The following ARHGEF10 variants were observed in gnomAD, a reference collection of about 807,000 sequenced individuals.
ARHGEF10 encodes Rho guanine nucleotide exchange factor (GEF) 10.
ARHGEF10 carries 140 observed loss-of-function variants against 147.4 expected under a neutral mutation model. The observed-to-expected ratio is 0.95, with a 90% CI of 0.83 to 1.09. The LOEUF (loss-of-function observed/expected upper bound fraction) is 1.09. ARHGEF10 is among the 50% of genes least tolerant of loss of function. ARHGEF10 has a pLI of 0.00. For missense variants in ARHGEF10, 2,222 were observed against 1,752.7 expected (o/e 1.27, Z -4.78); for synonymous variants, 902 against 695.8 (o/e 1.30, Z -4.67).
intron 26 of ARHGEF10, among the ~76,000 whole-genome samples, chr8:1,941,978 A>C (rs1814130779): frequency 6.6e-6 from 1 of 152,204 alleles, no homozygotes; most frequent in African/African-American, 2.4e-5. Context: ...CAAATGAATT[A>C]AAACATAAAT....
intron 1 of ARHGEF10, among the ~76,000 whole-genome samples, chr8:1,841,055 T>G (rs1425551501): frequency 6.6e-6 from 1 of 152,222 alleles, no homozygotes; most frequent in East Asian, 1.9e-4. Flanking sequence ...GGCAAGGACA[T>G]GCCGTCGGGG....
chr8:1,947,682 C>T (rs1169339845), intron 27 of ARHGEF10, among the ~76,000 whole-genome samples: 2 of 147,596 alleles, frequency 1.4e-5, no homozygotes, highest in East Asian at 4.1e-4. Flanking sequence ...ACACCCCACC[C>T]CGCATTCAGC....
intron 18 of ARHGEF10, among the ~76,000 whole-genome samples, chr8:1,909,851 T>C (rs532991520): frequency 3.7e-4 from 56 of 152,066 alleles, no homozygotes; most frequent in Non-Finnish European, 6.9e-4. Context: ...CTTGAGGCGG[T>C]GGTGGTTCCA....
rs534468893 is a variant in ARHGEF10, at chr8:1,922,896, C to A, written c.2144-68C>A. 6.6e-5 allele frequency: 73 copies of A among 1,104,684 alleles called. 1 individual carries two copies. In the South Asian group the frequency reaches 9.2e-4, roughly 14 times the overall value. The allele number at this position is 1,104,684 out of a possible 1,614,324, so 68.4% of individuals were successfully genotyped here. On this transcript the variant is annotated intron_variant, in intron 18 of 28. Transcript: ENST00000349830. ...TATTTAGTATTTGAGTCTTTTCTTC[C>A]CTCAAGTATTGGAGTAAATATGGCT...
chr8:1,943,084 G>C (rs926808436), intron 26 of ARHGEF10, among the ~76,000 whole-genome samples: 3 of 152,224 alleles, frequency 2.0e-5, no homozygotes, highest in Non-Finnish European at 4.4e-5. Context: ...AAAAGGAGGT[G>C]GCAGTTTTGG....
chr8:1,956,678 GCA>G, intron 28 of ARHGEF10, 69 bp from the exon 29 acceptor site: 1 of 1,582,662 alleles, frequency 6.3e-7, no homozygotes, highest in East Asian at 2.2e-5. Flanking sequence ...GTTAAGCCCT[GCA>G]CTTTTTGCTT....
intron 25 of ARHGEF10, 100 bp from the exon 26 acceptor site, chr8:1,933,700 T>A (rs1813335836): frequency 7.0e-7 from 1 of 1,432,140 alleles, no homozygotes; most frequent in South Asian, 1.2e-5. Flanking sequence ...TTACAGGTGA[T>A]CCTTCGGGTG....
At chr8:1,871,240 C>G (rs1807097612) in intron 7 of ARHGEF10, 1 of 148,942 alleles carries the variant, frequency 6.7e-6, no homozygotes, top group Non-Finnish European at 1.5e-5. Context: ...TTTTTAAACA[C>G]ATGAAATATT....
Position 1,948,220 on chromosome 8 carries a change from A to G in ARHGEF10, c.3397+2565A>G, listed in dbSNP as rs953216310. Among the ~76,000 whole-genome samples the G allele has an allele frequency of 2.0e-5, 3 of 151,926 alleles. No homozygotes were observed. The highest frequency in any genetic ancestry group is 7.2e-5 in the African/African-American group (3 of 41,438). ...GCCCACTCTCCCGGGCCCCTCCAAC[A>G]TCCTGGGCTGGCTCTCCATGGCCAC... is the stretch of plus-strand genomic sequence containing the variant. On this transcript the variant is annotated intron_variant, in intron 27 of 28. Transcript: ENST00000349830. The surrounding 1 kb of genome is among the most constrained non-coding windows in gnomAD (Gnocchi z 4.9).
chr8:1,851,079 G>A (rs1167322864), intron 2 of ARHGEF10, among the ~76,000 whole-genome samples: 1 of 152,204 alleles, frequency 6.6e-6, no homozygotes, highest in Non-Finnish European at 1.5e-5. Context: ...TTAGGGCCAC[G>A]AAATTCCTTG....
rs367609130 is a variant in ARHGEF10 at position 1,893,350 on chromosome 8, T to C, written c.1183-219T>C. ...GCTGTAATTTTTTTTGTCCCAGCTG[T>C]AGTTATAGTTCATAGTTTGAGGTTT... On this transcript the variant is annotated intron_variant, in intron 11 of 28. Transcript: ENST00000349830. 7.2e-5 allele frequency among the ~76,000 whole-genome samples: 11 copies of C among 152,302 alleles called. No homozygotes were observed. In the South Asian group the frequency reaches 1.9e-3, roughly 26 times the overall value.
chr8:1,901,018 C>G (rs991039299), intron 15 of ARHGEF10, among the ~76,000 whole-genome samples: 3 of 152,014 alleles, frequency 2.0e-5, no homozygotes, highest in African/African-American at 7.2e-5. Context: ...CTGGCGTATC[C>G]TAGAGTGTTC....
At chr8:1,882,070 A>G (rs1808245831) in intron 9 of ARHGEF10, among the ~76,000 whole-genome samples, 1 of 152,188 alleles carries the variant, frequency 6.6e-6, no homozygotes, top group African/African-American at 2.4e-5. Context: ...TCCGAGTCTG[A>G]CATCCGCAGC....
chr8:1,842,343 C>T (rs1212910882), intron 1 of ARHGEF10, among the ~76,000 whole-genome samples: 4 of 152,180 alleles, frequency 2.6e-5, no homozygotes, highest in Non-Finnish European at 5.9e-5. Context: ...CAGCTCTCTG[C>T]ACTAGGATAA....
At chr8:1,899,570 A>C (rs978144584) in intron 15 of ARHGEF10, among the ~76,000 whole-genome samples, 1 of 152,218 alleles carries the variant, frequency 6.6e-6, no homozygotes, top group Non-Finnish European at 1.5e-5. Flanking sequence ...AGTATGAAAA[A>C]GGATACATAC....
chr8:1,837,266 G>A (rs1351121393), intron 1 of ARHGEF10, among the ~76,000 whole-genome samples: 1 of 145,690 alleles, frequency 6.9e-6, no homozygotes, highest in Non-Finnish European at 1.5e-5. Flanking sequence ...CAGGACGGTC[G>A]GGGGCATGCT....
At chr8:1,879,979 A>G in intron 8 of ARHGEF10, 69 bp from the exon 9 acceptor site, 1 of 1,082,144 alleles carries the variant, frequency 9.2e-7, no homozygotes, top group Non-Finnish European at 1.4e-6. Context: ...GCATCCTCTC[A>G]ATGTAAAATT....
In ARHGEF10 at chr8:1,860,075, G is replaced by A. The variant is rs1355245778; in HGVS notation, c.372G>A (p.Gly124=). ...ATGTGGGTCTCCATGTGCCCTGCGG[G>A]TACTTGGTGCCTGTACCCTGCGGCT... ...EENVGLHVPC[G]YLVPVPCGYA... is the part of the protein sequence containing the mutation. Residue 124 remains glycine, a synonymous_variant, in exon 4 of 29, where the codon GGG becomes GGA. Coordinates refer to ENST00000349830, the MANE Select transcript of ARHGEF10 (RefSeq NM_014629.4). The A allele has an allele frequency of 6.2e-7, 1 of 1,613,950 alleles. No individual in the cohort carries two copies. Among genetic ancestry groups the A allele is most frequent in the Non-Finnish European group, 8.5e-7 (1 of 1,179,962 alleles).
At chr8:1,866,375 G>A (rs1806611802) in intron 5 of ARHGEF10, 151 bp from the exon 6 acceptor site, 1 of 741,428 alleles carries the variant, frequency 1.3e-6, no homozygotes. Context: ...AATAATAGCT[G>A]GGAAAATATG....
Sources: gnomAD v4.1 joint callset for allele counts (sites outside exome capture counted in the v4.1 genomes callset) on GRCh38, gnomAD v4.1.1 for gene constraint, Gnocchi (gnomAD v3.1) non-coding constraint, MANE v1.5 for transcripts, NCBI Gene and HGNC (gene_info 2026-07-23, HGNC 2026-07-21) for gene names.